The following KIAA1217 variants were observed in gnomAD, a reference collection of about 807,000 sequenced individuals.
KIAA1217 encodes sickle tail protein homolog.
In KIAA1217, 88 loss-of-function variants were observed where a neutral mutation model predicts 163.9. The ratio of observed to expected loss-of-function variants is 0.54; its 90% CI spans 0.45 to 0.64. The LOEUF (loss-of-function observed/expected upper bound fraction) is 0.64, where lower values mean the gene tolerates loss of function less well. KIAA1217 is among the 30% of genes least tolerant of loss of function. The pLI is 0.00. For missense variants in KIAA1217, 2,372 were observed against 2,475.0 expected (o/e 0.96, Z 0.88); for synonymous variants, 903 against 923.1 (o/e 0.98, Z 0.39).
intron 2 of KIAA1217, among the ~76,000 whole-genome samples, chr10:24,147,404 C>T (rs866695113): frequency 1.2e-4 from 18 of 152,190 alleles, no homozygotes; most frequent in Middle Eastern, 6.8e-3. Flanking sequence ...CTTGAACGCA[C>T]CACTTTGAGA....
intron 1 of KIAA1217, among the ~76,000 whole-genome samples, chr10:23,926,840 T>G (rs1843041849): frequency 6.6e-6 from 1 of 152,154 alleles, no homozygotes. Context: ...TCAATCTTTA[T>G]CTCTCTTCCT....
At chr10:24,104,847 T>C (rs146534836) in intron 2 of KIAA1217, among the ~76,000 whole-genome samples, 156 of 152,324 alleles carry the variant, frequency 1.0e-3, no homozygotes, top group African/African-American at 3.2e-3. Context: ...TTTAAAAATT[T>C]TATCTGTACT....
At position 24,544,208 on chromosome 10, in the gene KIAA1217, C is replaced by A. The variant is rs2250411; in HGVS notation, c.4938C>A (p.Ile1646=). ...TGAGGAGGCAAGAGCAGCCCAGCAT[C>A]GAGAGTACATCTCCGATTTCAAGAA... ...NTVRRQEQPS[I]ESTSPISRTD... is the part of the protein sequence containing the mutation. The change falls in exon 19 of 21, where the codon ATC becomes ATA. Residue 1646 remains isoleucine, a synonymous_variant. Transcript: ENST00000376454. The A allele has an allele frequency of 6.2e-7, 1 of 1,613,708 alleles. No individual in the cohort carries two copies. The highest frequency in any genetic ancestry group is 1.1e-5 in the South Asian group (1 of 91,064).
At chr10:23,758,856 T>C (rs1221741921) in intron 1 of KIAA1217, among the ~76,000 whole-genome samples, 1 of 151,702 alleles carries the variant, frequency 6.6e-6, no homozygotes, top group African/African-American at 2.4e-5. Context: ...CTGGCTAATT[T>C]TTGTATTATT....
chr10:24,217,885 C>T (rs147320600), intron 1 of KIAA1217, among the ~76,000 whole-genome samples: 119 of 152,298 alleles, frequency 7.8e-4, no homozygotes, highest in African/African-American at 2.6e-3. Context: ...GTAGAAGGCT[C>T]TTTGCATACC....
chr10:24,028,911 T>G (rs951529391), intron 2 of KIAA1217, among the ~76,000 whole-genome samples: 1 of 152,142 alleles, frequency 6.6e-6, no homozygotes, highest in Non-Finnish European at 1.5e-5. Context: ...CCTAAAAAAA[T>G]TCTGAGTTAT....
intron 1 of KIAA1217, among the ~76,000 whole-genome samples, chr10:23,790,363 A>C (rs912566802): frequency 9.2e-6 from 1 of 108,436 alleles, no homozygotes. Flanking sequence ...ATATGCATAT[A>C]TACATATACA....
At chr10:24,461,495 C>T (rs2062404755) in intron 5 of KIAA1217, among the ~76,000 whole-genome samples, 2 of 152,104 alleles carry the variant, frequency 1.3e-5, no homozygotes, top group Non-Finnish European at 2.9e-5. Context: ...GCTGGGATTA[C>T]AGGTGTGTGC....
chr10:24,010,484 T>G (rs1011414797), intron 2 of KIAA1217, among the ~76,000 whole-genome samples: 2 of 151,988 alleles, frequency 1.3e-5, no homozygotes, highest in African/African-American at 4.8e-5. Context: ...GATCCTTTTT[T>G]TTTTTTACCA....
At chr10:24,521,227 A>G (rs935885526) in intron 11 of KIAA1217, among the ~76,000 whole-genome samples, 4 of 151,380 alleles carry the variant, frequency 2.6e-5, no homozygotes, top group African/African-American at 9.7e-5. Flanking sequence ...CCAGCTACTC[A>G]GCTGAGGCAG....
At chr10:24,393,330 C>G (rs1488194858) in intron 3 of KIAA1217, among the ~76,000 whole-genome samples, 1 of 152,172 alleles carries the variant, frequency 6.6e-6, no homozygotes, top group Non-Finnish European at 1.5e-5. Flanking sequence ...CTACTGGCAT[C>G]CAGATTTCAC....
chr10:23,879,790 G>A (rs1447411279), intron 1 of KIAA1217, among the ~76,000 whole-genome samples: 7 of 151,874 alleles, frequency 4.6e-5, no homozygotes, highest in Admixed American at 2.6e-4. Context: ...GCATATTTGT[G>A]TGCTCTTGGA....
chr10:24,512,905 A>T (rs1564832409), intron 9 of KIAA1217, among the ~76,000 whole-genome samples: 2 of 152,340 alleles, frequency 1.3e-5, no homozygotes, highest in African/African-American at 4.8e-5. Flanking sequence ...CTAGAGAGAG[A>T]GTATGGGATT....
intron 2 of KIAA1217, among the ~76,000 whole-genome samples, chr10:24,293,355 G>GC (rs1270542426): frequency 4.6e-5 from 7 of 152,244 alleles, no homozygotes; most frequent in African/African-American, 1.7e-4. Flanking sequence ...ACAGGCGTGA[G>GC]CCACCGCGCC....
chr10:23,926,439 G>C, intron 1 of KIAA1217, among the ~76,000 whole-genome samples: 1 of 152,156 alleles, frequency 6.6e-6, no homozygotes. Context: ...CTGTTTCAAA[G>C]GTAGGCCCGG....
chr10:24,509,407 C>T (rs1050778455), intron 9 of KIAA1217, among the ~76,000 whole-genome samples: 3 of 152,174 alleles, frequency 2.0e-5, no homozygotes, highest in Admixed American at 6.5e-5. Flanking sequence ...TGTAAGGCCC[C>T]GCTTTCTAGA....
chr10:24,400,853 T>A (rs1015210249), intron 3 of KIAA1217, among the ~76,000 whole-genome samples: 1 of 151,160 alleles, frequency 6.6e-6, no homozygotes, highest in Non-Finnish European at 1.5e-5. Flanking sequence ...TAGAAAAAAA[T>A]TGGGGAAAGA....
At chr10:23,750,417 T>C (rs1052460224) in intron 1 of KIAA1217, among the ~76,000 whole-genome samples, 20 of 152,200 alleles carry the variant, frequency 1.3e-4, no homozygotes, top group Non-Finnish European at 2.6e-4. Flanking sequence ...CTAATGTGTC[T>C]GTTTCAACTG....
At chr10:24,269,882 T>C (rs1156830341) in intron 2 of KIAA1217, among the ~76,000 whole-genome samples, 3 of 152,200 alleles carry the variant, frequency 2.0e-5, no homozygotes, top group South Asian at 2.1e-4. Flanking sequence ...CCCCGTACTA[T>C]ATACAATGCT....
Sources: allele counts gnomAD v4.1 joint callset (sites outside exome capture counted in the v4.1 genomes callset), GRCh38; gene constraint gnomAD v4.1.1; transcripts MANE v1.5; gene names NCBI Gene and HGNC (gene_info 2026-07-23, HGNC 2026-07-21).